The following RBMS3 variants were observed in gnomAD, a reference collection of about 807,000 sequenced individuals.
The protein encoded by RBMS3 is RNA binding motif single stranded interacting protein 3.
RBMS3 carries 27 observed loss-of-function variants against 66.8 expected under a neutral mutation model. That is an observed-to-expected ratio of 0.40 (90% CI 0.30 to 0.56). RBMS3 has a LOEUF of 0.56. RBMS3 is among the 20% of genes least tolerant of loss of function. The probability of loss-of-function intolerance (pLI) is 0.40; values close to 1 mark genes in which losing one functional copy is unlikely to be tolerated. For missense variants in RBMS3, 513 were observed against 549.5 expected, an observed-to-expected ratio of 0.93 and a Z score of 0.66; for synonymous variants, 188 against 183.0, an observed-to-expected ratio of 1.03 and a Z score of -0.22.
intron 1 of RBMS3, among the ~76,000 whole-genome samples, chr3:29,344,349 A>T (rs1020855251): frequency 3.9e-5 from 6 of 152,176 alleles, no homozygotes; most frequent in African/African-American, 1.4e-4. Flanking sequence ...GAATTTTATC[A>T]CACAATAGCA....
intron 4 of RBMS3, among the ~76,000 whole-genome samples, chr3:29,625,708 A>AAGGAAG (rs2049037659): frequency 7.9e-6 from 1 of 127,248 alleles, no homozygotes; most frequent in Admixed American, 7.3e-5. Context: ...AAGTAAATAA[A>AAGGAAG]TAAATAAATA....
chr3:29,801,272 C>CTTTTTTTTTTTTTTTTTTTTTTTTTT (rs200997680), intron 6 of RBMS3, among the ~76,000 whole-genome samples: 2 of 129,476 alleles, frequency 1.5e-5, no homozygotes, highest in Non-Finnish European at 3.2e-5. Context: ...TGCTTTTTTT[C>CTTTTTTTTTTTTTTTTTTTTTTTTTT]TTTTTTTTTT....
intron 2 of RBMS3, among the ~76,000 whole-genome samples, chr3:29,447,544 G>A (rs11929651): frequency 0.23 from 34,929 of 151,980 alleles, 4,178 homozygotes; most frequent in African/African-American, 0.29. Context: ...CTCTTTCTAC[G>A]AAGTGGATAT....
intron 1 of RBMS3, among the ~76,000 whole-genome samples, chr3:29,396,308 A>G (rs2039546911): frequency 1.3e-5 from 2 of 152,184 alleles, no homozygotes; most frequent in Non-Finnish European, 2.9e-5. Context: ...TCAATATCAC[A>G]AAAGACAAAA....
intron 1 of RBMS3, among the ~76,000 whole-genome samples, chr3:29,329,381 G>T (rs2035519902): frequency 6.6e-6 from 1 of 152,070 alleles, no homozygotes; most frequent in African/African-American, 2.4e-5. Context: ...GTAATTTATT[G>T]TGTTACTCTA....
At chr3:29,779,702 A>G (rs920529604) in intron 6 of RBMS3, among the ~76,000 whole-genome samples, 1 of 65,232 alleles carries the variant, frequency 1.5e-5, no homozygotes, top group Non-Finnish European at 4.1e-5. Context: ...CTAGATTAAG[A>G]TGAAATATAT....
At chr3:29,836,085 T>C (rs2058500213) in intron 6 of RBMS3, among the ~76,000 whole-genome samples, 1 of 151,930 alleles carries the variant, frequency 6.6e-6, no homozygotes. Flanking sequence ...AAAATCTGAA[T>C]AGACCAATAA....
intron 3 of RBMS3, among the ~76,000 whole-genome samples, chr3:29,501,733 A>T (rs3773040): frequency 0.073 from 11,124 of 152,202 alleles, 493 homozygotes; most frequent in East Asian, 0.16. Context: ...AATAAAACAG[A>T]CTAAAGAACC....
At chr3:29,620,502 C>A (rs536426974) in intron 4 of RBMS3, among the ~76,000 whole-genome samples, 2 of 152,194 alleles carry the variant, frequency 1.3e-5, no homozygotes, top group East Asian at 3.9e-4. Flanking sequence ...CGATAAAACT[C>A]TTATGACATG....
chr3:29,845,996 G>A (rs1463716125), intron 6 of RBMS3, among the ~76,000 whole-genome samples: 9 of 152,058 alleles, frequency 5.9e-5, no homozygotes, highest in African/African-American at 2.2e-4. Context: ...TAAAGCAAAA[G>A]TGAGCAACAG....
At chr3:29,546,241 G>A (rs1328660454) in intron 3 of RBMS3, among the ~76,000 whole-genome samples, 2 of 151,930 alleles carry the variant, frequency 1.3e-5, no homozygotes, top group Non-Finnish European at 2.9e-5. Flanking sequence ...CCTACAAGGT[G>A]CATTTGCTTA....
intron 10 of RBMS3, among the ~76,000 whole-genome samples, chr3:29,912,381 C>T (rs558936306): frequency 6.6e-6 from 1 of 152,072 alleles, no homozygotes; most frequent in South Asian, 2.1e-4. Flanking sequence ...TGAAATCAAA[C>T]CCAACTTATT....
At chr3:29,333,770 CAA>C (rs2035798802) in intron 1 of RBMS3, among the ~76,000 whole-genome samples, 2 of 152,148 alleles carry the variant, frequency 1.3e-5, no homozygotes, top group African/African-American at 2.4e-5. Flanking sequence ...AACAGGGATG[CAA>C]AGTTGTCTTT....
At chr3:29,317,784 T>A (rs539102179) in intron 1 of RBMS3, among the ~76,000 whole-genome samples, 1 of 151,674 alleles carries the variant, frequency 6.6e-6, no homozygotes, top group East Asian at 2.0e-4. Flanking sequence ...GTAGCAGGAG[T>A]TTGTTTTACT....
At chr3:29,784,655 C>T (rs182333598) in intron 6 of RBMS3, among the ~76,000 whole-genome samples, 85 of 151,884 alleles carry the variant, frequency 5.6e-4, no homozygotes, top group African/African-American at 2.0e-3. Context: ...TTCAAACCCA[C>T]GCCCAACAGA....
chr3:29,469,599 AG>A (rs146277921), intron 2 of RBMS3, among the ~76,000 whole-genome samples: 10,961 of 151,920 alleles, frequency 0.072, 472 homozygotes, highest in East Asian at 0.16. Flanking sequence ...GTAAAAAAAA[AG>A]TTGTAGTAAA....
chr3:29,922,505 A>G (rs1303537006), intron 10 of RBMS3, among the ~76,000 whole-genome samples: 1 of 151,544 alleles, frequency 6.6e-6, no homozygotes, highest in African/African-American at 2.4e-5. Context: ...AAAAAAAAAA[A>G]AAAAAAAAAG....
chr3:29,551,225 AT>A (rs1553620307), intron 3 of RBMS3, among the ~76,000 whole-genome samples: 1 of 152,212 alleles, frequency 6.6e-6, no homozygotes, highest in Non-Finnish European at 1.5e-5. Flanking sequence ...TTTGATTGAC[AT>A]ATAGATCTTT....
At chr3:29,647,307 C>A (rs993333205) in intron 4 of RBMS3, among the ~76,000 whole-genome samples, 1 of 152,084 alleles carries the variant, frequency 6.6e-6, no homozygotes, top group Admixed American at 6.6e-5. Context: ...ATGCTGAAAT[C>A]TGAATGCCCA....
Sources: gnomAD v4.1 joint callset for allele counts (sites outside exome capture counted in the v4.1 genomes callset) on GRCh38, gnomAD v4.1.1 for gene constraint, MANE v1.5 for transcripts, NCBI Gene and HGNC (gene_info 2026-07-23, HGNC 2026-07-21) for gene names.